Variants in NF2 observed in about 807,000 individuals in gnomAD.
The protein encoded by NF2 is NF2, moesin-ezrin-radixin like (MERLIN) tumor suppressor.
NF2 carries 8 observed loss-of-function variants against 83.7 expected under a neutral mutation model. The ratio of observed to expected loss-of-function variants is 0.10; its 90% confidence interval spans 0.06 to 0.17. The LOEUF is 0.17. Ranked by LOEUF, NF2 falls within the 10% of genes least tolerant of loss-of-function variation. The pLI, the probability that NF2 is intolerant of heterozygous loss-of-function variation, is 1.00. For missense variants in NF2, 533 were observed against 744.4 expected, an observed-to-expected ratio of 0.72 and a Z score of 3.31; for synonymous variants, 266 against 269.6, an observed-to-expected ratio of 0.99 and a Z score of 0.13.
At chr22:29,689,301 CCCAAA>C (rs1485284657) in intron 15 of NF2, among the ~76,000 whole-genome samples, 1 of 151,992 alleles carries the variant, frequency 6.6e-6, no homozygotes, top group Non-Finnish European at 1.5e-5. Context: ...TTTCCCACAC[CCCAAA>C]CCAAAGATTC....
At chr22:29,655,715 G>GA in intron 6 of NF2, 39 bp downstream of exon 6, 4 of 1,480,888 alleles carry the variant, frequency 2.7e-6, no homozygotes, top group Non-Finnish European at 3.7e-6. Flanking sequence ...TCCTTTATGG[G>GA]CTTTTTTTTT....
chr22:29,643,959 TGGCGGGG>T (rs1569285748), intron 4 of NF2, among the ~76,000 whole-genome samples: 325 of 118,550 alleles, frequency 2.7e-3, no homozygotes, highest in African/African-American at 9.6e-3. Flanking sequence ...GCGGCTGGCC[TGGCGGGG>T]GGCTGACCCC....
intron 15 of NF2, among the ~76,000 whole-genome samples, chr22:29,688,385 C>T (rs746096466): frequency 2.0e-5 from 3 of 152,246 alleles, no homozygotes; most frequent in Non-Finnish European, 4.4e-5. Context: ...GATGCAAACT[C>T]GTTCTGCGAG....
chr22:29,691,523 T>C (rs1484872676), intron 15 of NF2, among the ~76,000 whole-genome samples: 2 of 152,248 alleles, frequency 1.3e-5, no homozygotes, highest in Non-Finnish European at 2.9e-5. Context: ...CTGGTTTTCA[T>C]GTGTTTAAAA....
Position 29,642,190 on chromosome 22 carries a change from T to G in NF2, c.364-12T>G. 1 of 1,610,486 alleles carries G rather than the reference T, an allele frequency of 6.2e-7. No homozygotes were observed. Among genetic ancestry groups the G allele is most frequent in the Non-Finnish European group, 8.5e-7 (1 of 1,176,618 alleles). ...TCACAGAGTATCATGTCTCCCTTGT[T>G]GCTCCTTTCAGGTAAAGAAGCAGAT... On this transcript the variant is annotated splice_polypyrimidine_tract_variant and intron_variant, in intron 3 of 15. Coordinates refer to ENST00000338641, the MANE Select transcript of NF2 (RefSeq NM_000268.4).
chr22:29,676,314 C>T (rs755142278), intron 13 of NF2, among the ~76,000 whole-genome samples: 1 of 152,012 alleles, frequency 6.6e-6, no homozygotes, highest in South Asian at 2.1e-4. Context: ...GCTGGGACCA[C>T]AGACATGCAC....
chr22:29,681,526 G>A lies in NF2; in HGVS notation c.1662G>A (p.Arg554=). The A allele has an allele frequency of 6.2e-7, 1 of 1,614,158 alleles. No homozygotes were observed. The highest frequency in any genetic ancestry group is 1.3e-5 in the African/African-American group (1 of 75,030). ...TEIEALKLKE[R]ETALDILHNE... is the part of the protein sequence containing the mutation. Reference sequence around the variant, plus strand: ...TCGAGGCCTTGAAACTGAAAGAGAGGGAGACAGCTCTGGATATTCTGCACA... The same window carrying A: ...TCGAGGCCTTGAAACTGAAAGAGAGAGAGACAGCTCTGGATATTCTGCACA... Residue 554 remains arginine (R), a synonymous_variant, in exon 15 of 16, where the codon AGG becomes AGA. Coordinates refer to ENST00000338641, the MANE Select transcript of NF2 (RefSeq NM_000268.4).
chr22:29,690,491 C>T (rs913605043), intron 15 of NF2, among the ~76,000 whole-genome samples: 10 of 152,154 alleles, frequency 6.6e-5, no homozygotes, highest in Admixed American at 4.6e-4. Context: ...AAAAGGGACC[C>T]TGCCGGGGCT....
At chr22:29,666,664 T>C (rs1444067795) in intron 9 of NF2, among the ~76,000 whole-genome samples, 2 of 151,124 alleles carry the variant, frequency 1.3e-5, no homozygotes, top group Non-Finnish European at 3.0e-5. Context: ...AAAATGAAAA[T>C]AAATAAAATT....
At chr22:29,666,468 G>C (rs1163125800) in intron 9 of NF2, among the ~76,000 whole-genome samples, 4 of 151,792 alleles carry the variant, frequency 2.6e-5, no homozygotes, top group Non-Finnish European at 4.4e-5. Flanking sequence ...AGGCTGTTAT[G>C]AAAACTTTTG....
intron 1 of NF2, among the ~76,000 whole-genome samples, chr22:29,634,056 A>G (rs556549082): frequency 6.6e-6 from 1 of 152,316 alleles, no homozygotes; most frequent in Admixed American, 6.5e-5. Context: ...AGCAAGAACA[A>G]AGGGACCCCA....
At chr22:29,685,803 T>C (rs2067255676) in intron 15 of NF2, among the ~76,000 whole-genome samples, 2 of 152,136 alleles carry the variant, frequency 1.3e-5, no homozygotes, top group African/African-American at 2.4e-5. Context: ...GGGGGCTGTG[T>C]AACATTGAAG....
At chr22:29,656,407 C>CT (rs59440855) in intron 6 of NF2, among the ~76,000 whole-genome samples, 1,523 of 81,638 alleles carry the variant, frequency 0.019, 21 homozygotes, top group South Asian at 0.029. Context: ...GGGATATATT[C>CT]TTTTTTTTTT....
At position 29,671,877 on chromosome 22, in the gene NF2, C is replaced by T. The variant is rs747756728; in HGVS notation, c.1051C>T (p.Arg351Cys). The change falls in exon 11 of 16, where the codon CGC becomes TGC. Residue 351 changes from arginine (R) to cysteine (C), a missense_variant. By Grantham distance (180) the Arg-to-Cys change is radical (BLOSUM62 -3). This residue lies in a region of NF2 where 326 missense variants were observed against 475.1 expected (regional missense o/e 0.69). Coordinates refer to ENST00000338641, the MANE Select transcript of NF2 (RefSeq NM_000268.4). ...REKQMREEAERTRDELERRLL... is the reference protein window; with the variant it reads ...REKQMREEAECTRDELERRLL... The stretch of plus-strand genomic sequence containing the variant: ...GAAGCAGATGAGGGAGGAGGCTGAA[C>T]GCACGAGGGATGAGTTGGAGAGGAG... 3.1e-6 allele frequency: 5 copies of T among 1,613,936 alleles called. No individual in the cohort carries two copies. The highest frequency in any genetic ancestry group is 2.2e-5 in the East Asian group (1 of 44,884).
intron 4 of NF2, among the ~76,000 whole-genome samples, chr22:29,650,277 T>C (rs1391637003): frequency 6.6e-6 from 1 of 152,162 alleles, no homozygotes; most frequent in African/African-American, 2.4e-5. Context: ...AAAACTGATG[T>C]CATAATTTAA....
intron 4 of NF2, among the ~76,000 whole-genome samples, chr22:29,653,497 A>AT (rs2066213881): frequency 6.6e-6 from 1 of 152,172 alleles, no homozygotes; most frequent in Admixed American, 6.5e-5. Context: ...TTCAAAAAAA[A>AT]CAATGCAATA....
intron 4 of NF2, among the ~76,000 whole-genome samples, chr22:29,651,286 G>A (rs969468065): frequency 2.0e-5 from 3 of 151,946 alleles, no homozygotes; most frequent in Admixed American, 2.0e-4. Context: ...CCTAAGTATT[G>A]GCTCCACAAG....
chr22:29,695,670 G>A lies in NF2; in HGVS notation c.*868G>A, dbSNP rs1313868363. ...GTACTGCAGTCAGCACCCGTAACCC[G>A]GCTATGACCAGGGATCTGTAAGCCC... On this transcript the variant is annotated 3_prime_UTR_variant, in exon 16 of 16. Coordinates refer to ENST00000338641, the MANE Select transcript of NF2 (RefSeq NM_000268.4). This position sits in a 1 kb window ranked among gnomAD's most constrained non-coding sequence, Gnocchi z 5.4. The A allele has an allele frequency of 4.3e-6, 1 of 233,730 alleles. No homozygotes were observed. Among genetic ancestry groups the A allele is most frequent in the East Asian group, 6.0e-5 (1 of 16,728 alleles). The allele number at this position is 233,730 out of a possible 1,614,324, so 14.5% of individuals were successfully genotyped here. A position where few individuals can be genotyped will look rare whatever the true frequency, so the allele number is the denominator to read the frequency against.
At chr22:29,683,200 C>T (rs974225379) in intron 15 of NF2, 14 of 1,604,444 alleles carry the variant, frequency 8.7e-6, no homozygotes, top group South Asian at 2.2e-5. Flanking sequence ...GGGTACTGGC[C>T]GCAGCATGCT....
Sources: allele counts gnomAD v4.1 joint callset (sites outside exome capture counted in the v4.1 genomes callset), GRCh38; gene constraint gnomAD v4.1.1; regional missense constraint gnomAD v4.1.1; non-coding constraint Gnocchi (gnomAD v3.1); transcripts MANE v1.5; gene names NCBI Gene and HGNC (gene_info 2026-07-23, HGNC 2026-07-21).